PCDH11X: variants seen among roughly 807,000 people sequenced by gnomAD.
The protein encoded by PCDH11X is protocadherin 11 X-linked.
In PCDH11X, 18 loss-of-function variants were observed where a neutral mutation model predicts 53.3. The observed-to-expected ratio is 0.34, with a 90% CI of 0.23 to 0.50. The LOEUF (loss-of-function observed/expected upper bound fraction) is 0.50, where lower values mean the gene tolerates loss of function less well. Among genes scored for constraint, PCDH11X ranks in the 20% least tolerant of loss-of-function variants. The probability of loss-of-function intolerance (pLI) is 0.98; values close to 1 mark genes in which losing one functional copy is unlikely to be tolerated. For synonymous variants in PCDH11X, 279 were observed against 393.3 expected (o/e 0.71, Z 3.44); for missense variants, 570 against 1,032.4 (o/e 0.55, Z 6.14).
chrX:92,071,084 C>T (rs944105497), intron 6 of PCDH11X, among the ~76,000 whole-genome samples: 5 of 109,188 alleles, frequency 4.6e-5, no homozygotes, highest in Non-Finnish European at 9.5e-5. Flanking sequence ...GGATTACAGG[C>T]ATGAGCCACT....
chrX:92,295,631 C>G lies in PCDH11X; in HGVS notation c.3144+32488C>G, dbSNP rs185841686. Among the ~76,000 whole-genome samples the G allele has an allele frequency of 4.4e-3, 484 of 109,019 alleles. 5 individuals are homozygous for G. The highest frequency in any genetic ancestry group is 0.016 in the African/African-American group (470 of 30,014). The allele number at this position is 109,019 out of a possible 115,157, so 94.7% of individuals were successfully genotyped here. On this transcript the variant is annotated intron_variant, in intron 8 of 10. Transcript: ENST00000682573. ...CTTTCATCATTAATTATGATGTTAG[C>G]TGTGGGTTTTTAATAAATGCCCTTC...
At chrX:92,496,981 A>G (rs1404626527) in intron 10 of PCDH11X, among the ~76,000 whole-genome samples, 1 of 111,225 alleles carries the variant, frequency 9.0e-6, no homozygotes, top group Non-Finnish European at 1.9e-5. Flanking sequence ...ACTCTGAGAT[A>G]TTTGTGTTAA....
intron 7 of PCDH11X, among the ~76,000 whole-genome samples, chrX:92,211,285 G>A (rs768259888): frequency 9.0e-6 from 1 of 111,288 alleles, no homozygotes; most frequent in South Asian, 3.8e-4. Context: ...AGGAGGAAGA[G>A]AGTGAAGGGG....
chrX:91,836,092 G>A (rs1213543211), intron 5 of PCDH11X, 48 bp downstream of exon 5: 3 of 1,134,613 alleles, frequency 2.6e-6, no homozygotes, highest in Non-Finnish European at 3.5e-6. Flanking sequence ...ATTTTTTAAA[G>A]AGTAAAATAA....
At chrX:92,589,200 G>C (rs759952476) in intron 10 of PCDH11X, among the ~76,000 whole-genome samples, 20 of 111,420 alleles carry the variant, frequency 1.8e-4, no homozygotes, top group Admixed American at 3.8e-4. Flanking sequence ...AAAAATGCTA[G>C]AGGGTGTACT....
At chrX:92,112,370 T>C (rs1301989231) in intron 6 of PCDH11X, among the ~76,000 whole-genome samples, 1 of 109,413 alleles carries the variant, frequency 9.1e-6, no homozygotes, top group Non-Finnish European at 1.9e-5. Context: ...CATAGTGTCC[T>C]ACTGTTTTAA....
At chrX:91,960,876 C>G (rs1361935832) in intron 6 of PCDH11X, among the ~76,000 whole-genome samples, 1 of 111,063 alleles carries the variant, frequency 9.0e-6, no homozygotes, top group Non-Finnish European at 1.9e-5. Flanking sequence ...TCTTGGTGCT[C>G]TCGTCTAAGA....
chrX:91,996,199 T>G lies in PCDH11X; in HGVS notation c.3033+116926T>G, dbSNP rs1488536060. 4.4e-5 allele frequency among the ~76,000 whole-genome samples: 4 copies of G among 91,359 alleles called. No homozygotes were observed. In the Admixed American group the frequency reaches 5.4e-4, roughly 12 times the overall value. 79.3% of individuals were successfully genotyped at this position (91,359 alleles called of 115,157 possible). ...TTCAGTCTCCTCACCCAGGCTGGAG[T>G]GCAATGGTGCAATCTCGGCTCACTG... On this transcript the variant is annotated intron_variant, in intron 6 of 10. Coordinates refer to ENST00000682573, the MANE Select transcript of PCDH11X (RefSeq NM_032968.5).
chrX:91,997,616 T>C (rs1310298043), intron 6 of PCDH11X, among the ~76,000 whole-genome samples: 1 of 111,544 alleles, frequency 9.0e-6, no homozygotes, highest in African/African-American at 3.3e-5. Context: ...TGATTTCAGT[T>C]TGTTAGTATT....
intron 7 of PCDH11X, among the ~76,000 whole-genome samples, chrX:92,234,325 G>A (rs531576622): frequency 9.9e-5 from 11 of 111,651 alleles, no homozygotes; most frequent in African/African-American, 3.6e-4. Flanking sequence ...GAGGTATGGG[G>A]CAACAGTTGC....
intron 5 of PCDH11X, among the ~76,000 whole-genome samples, chrX:91,866,334 C>A (rs969099554): frequency 5.4e-5 from 6 of 111,101 alleles, no homozygotes; most frequent in African/African-American, 2.0e-4. Flanking sequence ...ATGGTCTAGG[C>A]TGCCTTTTAA....
intron 6 of PCDH11X, among the ~76,000 whole-genome samples, chrX:91,924,092 G>A (rs944327264): frequency 3.6e-5 from 4 of 109,920 alleles, no homozygotes; most frequent in African/African-American, 1.3e-4. Context: ...GCCTGCCAGA[G>A]ATGCCCATGC....
chrX:92,351,169 G>A (rs989720902), intron 8 of PCDH11X, among the ~76,000 whole-genome samples: 52 of 111,583 alleles, frequency 4.7e-4, no homozygotes, highest in Admixed American at 4.2e-3. Flanking sequence ...TATCTGTTTC[G>A]TTTCAAGAAC....
intron 10 of PCDH11X, among the ~76,000 whole-genome samples, chrX:92,607,909 A>G (rs1488268445): frequency 9.0e-6 from 1 of 111,401 alleles, no homozygotes; most frequent in Non-Finnish European, 1.9e-5. Context: ...TATTTCTCAA[A>G]TATAATTGTG....
chrX:92,163,433 G>A, intron 6 of PCDH11X, among the ~76,000 whole-genome samples: 1 of 110,211 alleles, frequency 9.1e-6, no homozygotes, highest in South Asian at 4.0e-4. Flanking sequence ...CAGTTCCTCT[G>A]GCAGCCCTCC....
intron 6 of PCDH11X, among the ~76,000 whole-genome samples, chrX:92,115,121 T>A (rs1217970513): frequency 9.0e-6 from 1 of 110,595 alleles, no homozygotes. Flanking sequence ...TTTCCATTTT[T>A]GAAGTTAAAC....
chrX:92,379,845 T>A (rs2070833404), intron 8 of PCDH11X, among the ~76,000 whole-genome samples: 1 of 106,897 alleles, frequency 9.4e-6, no homozygotes, highest in African/African-American at 3.4e-5. Context: ...GCGCTTTCAC[T>A]CAACAAAGCA....
intron 10 of PCDH11X, among the ~76,000 whole-genome samples, chrX:92,602,196 T>C (rs1244121180): frequency 9.0e-6 from 1 of 111,163 alleles, no homozygotes; most frequent in East Asian, 2.9e-4. Flanking sequence ...AGGGACTCAT[T>C]TGGAGCAAAG....
intron 6 of PCDH11X, among the ~76,000 whole-genome samples, chrX:92,105,552 A>G (rs2064362746): frequency 9.2e-6 from 1 of 108,630 alleles, no homozygotes; most frequent in Non-Finnish European, 1.9e-5. Flanking sequence ...GAAGGGAGAT[A>G]GGGGTGGGGC....
Sources: allele counts gnomAD v4.1 joint callset (sites outside exome capture counted in the v4.1 genomes callset), GRCh38; gene constraint gnomAD v4.1.1; transcripts MANE v1.5; gene names NCBI Gene and HGNC (gene_info 2026-07-23, HGNC 2026-07-21).